SRGAP3: variants seen among roughly 807,000 people sequenced by gnomAD.
SRGAP3 encodes SLIT-ROBO Rho GTPase-activating protein 3.
A neutral mutation model predicts 121.1 loss-of-function variants in SRGAP3; 39 were observed. The observed-to-expected ratio is 0.32, with a 90% CI of 0.25 to 0.42. The LOEUF (loss-of-function observed/expected upper bound fraction) is 0.42, where lower values mean the gene tolerates loss of function less well. Ranked by LOEUF, SRGAP3 falls within the 10% of genes least tolerant of loss-of-function variation. The pLI is 1.00. For synonymous variants in SRGAP3, 601 were observed against 570.0 expected (o/e 1.05, Z -0.77); for missense variants, 1,213 against 1,470.6 (o/e 0.82, Z 2.86).
At chr3:9,275,769 C>G (rs1954562364) in intron 3 of SRGAP3, among the ~76,000 whole-genome samples, 1 of 152,188 alleles carries the variant, frequency 6.6e-6, no homozygotes, top group Non-Finnish European at 1.5e-5. Context: ...TCCATTCAAC[C>G]TCTTTTTCTT....
chr3:9,257,111 A>G (rs1009161293), intron 3 of SRGAP3: 10 of 361,078 alleles, frequency 2.8e-5, no homozygotes, highest in African/African-American at 1.5e-4. Context: ...TATTGCCCCT[A>G]TGAAAGCCCA....
At chr3:9,172,287 G>GAC (rs1951012364) in intron 1 of SRGAP3, among the ~76,000 whole-genome samples, 1 of 151,650 alleles carries the variant, frequency 6.6e-6, no homozygotes, top group African/African-American at 2.4e-5. Context: ...ATTTTTTGTA[G>GAC]AGACAGGGTC....
rs1949847755 is a variant in SRGAP3 at position 9,141,553 on chromosome 3, G to GTGTGTGTGTGT, written c.68-16637_68-16636insACACACACACA. Among the ~76,000 whole-genome samples the GTGTGTGTGTGT allele has an allele frequency of 4.9e-3, 672 of 138,442 alleles. 11 individuals carry two copies. The highest frequency in any genetic ancestry group is 0.017 in the African/African-American group (625 of 36,450). 90.8% of individuals were successfully genotyped at this position (138,442 alleles called of 152,430 possible). A position where few individuals can be genotyped will look rare whatever the true frequency, so the allele number is the denominator to read the frequency against. On this transcript the variant is annotated intron_variant, in intron 1 of 21. Transcript: ENST00000383836. ...GAAACAAGAAGGATCTGACTTCAGG[G>GTGTGTGTGTGT]GTGTGTGTGTGTGTGTGTGTGTGTG...
At chr3:9,360,692 A>G (rs567093015) in intron 1 of SRGAP3, among the ~76,000 whole-genome samples, 1 of 152,228 alleles carries the variant, frequency 6.6e-6, no homozygotes, top group East Asian at 1.9e-4. Context: ...GGAAGTGGAA[A>G]CCTCTTATCA....
intron 1 of SRGAP3, among the ~76,000 whole-genome samples, chr3:9,351,289 A>T (rs537147121): frequency 1.3e-5 from 2 of 152,332 alleles, no homozygotes; most frequent in African/African-American, 4.8e-5. Context: ...TTCATTTGCC[A>T]TGTGCCAGAA....
chr3:9,321,700 A>G (rs968000051), intron 3 of SRGAP3, among the ~76,000 whole-genome samples: 1 of 151,888 alleles, frequency 6.6e-6, no homozygotes, highest in African/African-American at 2.4e-5. Flanking sequence ...GCTGGTGGCC[A>G]TTATCCTCAG....
At chr3:9,292,642 G>A (rs966133376) in intron 3 of SRGAP3, 3 of 152,158 alleles carry the variant, frequency 2.0e-5, no homozygotes, top group Non-Finnish European at 1.5e-5. Flanking sequence ...CTGCCAATCA[G>A]ATCTTCCAGT....
intron 1 of SRGAP3, among the ~76,000 whole-genome samples, chr3:9,178,912 C>G (rs1193069319): frequency 6.6e-6 from 1 of 152,190 alleles, no homozygotes; most frequent in Non-Finnish European, 1.5e-5. Flanking sequence ...CAGGCCACAG[C>G]TGCAACGGTT....
rs756159161 is a variant in SRGAP3, at chr3:8,991,315, C to G, written c.2559-476G>C. 1.4e-4 allele frequency among the ~76,000 whole-genome samples: 22 copies of G among 152,188 alleles called. 1 individual carries two copies. The highest frequency in any genetic ancestry group is 2.9e-5 in the Non-Finnish European group (2 of 68,042). The stretch of plus-strand genomic sequence containing the variant: ...AAGCACAGTTGGGGTCCCCTGGGAA[C>G]TGAAGACACTCTAACGTTGCCACCC... On this transcript the variant is annotated intron_variant, in intron 20 of 21. Coordinates refer to ENST00000383836, the MANE Select transcript of SRGAP3 (RefSeq NM_014850.4).
intron 3 of SRGAP3, among the ~76,000 whole-genome samples, chr3:9,300,112 G>A (rs1005045034): frequency 3.2e-5 from 1 of 31,440 alleles, no homozygotes; most frequent in African/African-American, 1.2e-4. Context: ...ACAATGTCTG[G>A]CATACGCTAA....
chr3:9,000,002 T>C (rs1246049306), intron 18 of SRGAP3, among the ~76,000 whole-genome samples: 3 of 152,228 alleles, frequency 2.0e-5, no homozygotes, highest in Non-Finnish European at 2.9e-5. Flanking sequence ...TCTCTGTTAC[T>C]TGAACCAAGA....
chr3:9,226,013 A>T (rs764277836), intron 1 of SRGAP3, among the ~76,000 whole-genome samples: 25 of 152,216 alleles, frequency 1.6e-4, no homozygotes, highest in Non-Finnish European at 3.1e-4. Context: ...AACACACCTG[A>T]GGCTGGATCG....
At position 8,984,619 on chromosome 3, in the gene SRGAP3, A is replaced by T. The variant is rs1316380079; in HGVS notation, c.*900T>A. 4.3e-6 allele frequency: 1 copy of T among 232,560 alleles called. No individual in the cohort carries two copies. The highest frequency in any genetic ancestry group is 6.0e-5 in the East Asian group (1 of 16,530). The allele number at this position is 232,560 out of a possible 1,614,324, so 14.4% of individuals were successfully genotyped here. A position where few individuals can be genotyped will look rare whatever the true frequency, so the allele number is the denominator to read the frequency against. On this transcript the variant is annotated 3_prime_UTR_variant, in exon 22 of 22. Transcript: ENST00000383836. ...TTCTCACTATCCCCCGTCTCTACAC[A>T]CAAACACAAGGATGTGGTAGTCAGG...
chr3:9,267,328 C>A (rs1574957979), intron 3 of SRGAP3, among the ~76,000 whole-genome samples: 1 of 152,158 alleles, frequency 6.6e-6, no homozygotes, highest in East Asian at 1.9e-4. Context: ...CAGATATTAA[C>A]AAATATGGGA....
At chr3:9,322,527 C>A (rs1172100707) in intron 3 of SRGAP3, among the ~76,000 whole-genome samples, 1 of 151,654 alleles carries the variant, frequency 6.6e-6, no homozygotes, top group Non-Finnish European at 1.5e-5. Context: ...GGCAAGGGAG[C>A]ATTACCACCT....
chr3:9,079,795 T>C (rs894267514), intron 4 of SRGAP3, among the ~76,000 whole-genome samples: 2 of 152,200 alleles, frequency 1.3e-5, no homozygotes, highest in Non-Finnish European at 2.9e-5. Flanking sequence ...TTTGAATCTC[T>C]CGTGAATTTT....
chr3:9,349,856 G>C (rs1236362351), intron 1 of SRGAP3: 3 of 152,136 alleles, frequency 2.0e-5, no homozygotes, highest in African/African-American at 7.2e-5. Context: ...ACCTCTGAGG[G>C]TTAGAAGTAC....
intron 9 of SRGAP3, chr3:9,049,468 T>C: frequency 2.2e-6 from 1 of 456,070 alleles, no homozygotes; most frequent in South Asian, 1.5e-5. Flanking sequence ...ATCAGGCCCC[T>C]TCTACCCAGA....
intron 10 of SRGAP3, 50 bp downstream of exon 10, chr3:9,047,341 G>A (rs189268498): frequency 3.2e-6 from 5 of 1,575,364 alleles, no homozygotes; most frequent in Non-Finnish European, 4.4e-6. Flanking sequence ...CACAGTGAGA[G>A]CCAGTGGGGA....
Sources: gnomAD v4.1 joint callset for allele counts (sites outside exome capture counted in the v4.1 genomes callset) on GRCh38, gnomAD v4.1.1 for gene constraint, MANE v1.5 for transcripts, NCBI Gene and HGNC (gene_info 2026-07-23, HGNC 2026-07-21) for gene names.